The following CNOT4 variants were observed in gnomAD, a reference collection of about 807,000 sequenced individuals.
CNOT4 encodes CCR4-NOT transcription complex subunit 4.
CNOT4 carries 8 observed loss-of-function variants against 73.8 expected under a neutral mutation model. That is an observed-to-expected ratio of 0.11 (90% confidence interval 0.06 to 0.20). CNOT4 has a LOEUF of 0.20. CNOT4 is among the 10% of genes least tolerant of loss of function. The pLI, the probability that CNOT4 is intolerant of heterozygous loss-of-function variation, is 1.00. For synonymous variants in CNOT4, 293 were observed against 321.1 expected (o/e 0.91, Z 0.94); for missense variants, 564 against 883.4 (o/e 0.64, Z 4.58).
chr7:135,430,313 G>A lies in CNOT4; in HGVS notation c.174+7845C>T, dbSNP rs75665340. On this transcript the variant is annotated intron_variant, in intron 2 of 11. Transcript: ENST00000541284. ...AAGGGTAATACATTATAATCAAGTG[G>A]GGTTTATCTTTGAGAAGAAAAGGTG... Among the ~76,000 whole-genome samples the A allele has an allele frequency of 3.3e-3, 507 of 152,220 alleles. 1 individual carries two copies. Among genetic ancestry groups the A allele is most frequent in the Middle Eastern group, 0.014 (4 of 294 alleles).
intron 1 of CNOT4, among the ~76,000 whole-genome samples, chr7:135,488,139 C>A (rs1266851532): frequency 6.7e-6 from 1 of 148,916 alleles, no homozygotes; most frequent in Non-Finnish European, 1.5e-5. Context: ...GGATTTTTTT[C>A]AAAAAAAAAA....
At chr7:135,421,184 A>T (rs1798173564) in intron 3 of CNOT4, among the ~76,000 whole-genome samples, 1 of 152,148 alleles carries the variant, frequency 6.6e-6, no homozygotes, top group African/African-American at 2.4e-5. Context: ...ACTATTTTTT[A>T]AATTAATTTT....
At chr7:135,425,564 A>G (rs957006023) in intron 2 of CNOT4, among the ~76,000 whole-genome samples, 8 of 152,350 alleles carry the variant, frequency 5.3e-5, no homozygotes, top group African/African-American at 1.7e-4. Context: ...TTGTTGGAAC[A>G]TAACTGCTAC....
At chr7:135,500,472 T>A (rs3812300) in intron 1 of CNOT4, among the ~76,000 whole-genome samples, 15,433 of 151,942 alleles carry the variant, frequency 0.1, 860 homozygotes, top group Non-Finnish European at 0.12. Context: ...CAAAGAATTT[T>A]AAAAAAACTT....
chr7:135,425,572 T>C (rs1798445925), intron 2 of CNOT4, among the ~76,000 whole-genome samples: 1 of 152,202 alleles, frequency 6.6e-6, no homozygotes, highest in Non-Finnish European at 1.5e-5. Flanking sequence ...ACATAACTGC[T>C]ACATAATACA....
rs368493110 is a variant in CNOT4 at position 135,363,033 on chromosome 7, G to A, written c.1994C>T (p.Pro665Leu). 10 of 1,613,726 alleles carry A rather than the reference G, an allele frequency of 6.2e-6. No individual in the cohort carries two copies. The highest frequency in any genetic ancestry group is 1.6e-4 in the Middle Eastern group (1 of 6,084). ...GGGATTCCAACTGGCTCTGTGCAGC[G>A]GGATCTGTGTGCTGAAGGGGGCGCT... ...HHSAPFSTQI[P>L]LHRASWNPYP... Residue 665 changes from proline to leucine, a missense_variant, in exon 12 of 12, where the codon CCG becomes CTG. By Grantham distance (98) the Pro-to-Leu change is moderately conservative. Transcript: ENST00000541284. This position sits in a 1 kb window ranked among gnomAD's most constrained non-coding sequence, Gnocchi z 4.3.
At chr7:135,429,568 A>C (rs1355130710) in intron 2 of CNOT4, among the ~76,000 whole-genome samples, 1 of 152,172 alleles carries the variant, frequency 6.6e-6, no homozygotes, top group Admixed American at 6.5e-5. Context: ...CCCCTCATCA[A>C]ACATCCCGAG....
chr7:135,498,147 A>G (rs1189250524), intron 1 of CNOT4, among the ~76,000 whole-genome samples: 1 of 151,336 alleles, frequency 6.6e-6, no homozygotes, highest in African/African-American at 2.5e-5. Context: ...ATTCATATGT[A>G]GGAAGCCTGG....
chr7:135,453,530 C>T (rs1800304134), intron 1 of CNOT4, among the ~76,000 whole-genome samples: 1 of 151,592 alleles, frequency 6.6e-6, no homozygotes, highest in African/African-American at 2.4e-5. Context: ...ATATGGAAGT[C>T]CAACCTTTCA....
chr7:135,498,440 G>A (rs192146625), intron 1 of CNOT4, among the ~76,000 whole-genome samples: 1 of 152,256 alleles, frequency 6.6e-6, no homozygotes, highest in East Asian at 1.9e-4. Flanking sequence ...TGGTGACACA[G>A]GTCTAACTTG....
rs1328798254 is a variant in CNOT4, at chr7:135,414,440, GA to G, written c.460-9del. 1 of 1,218,712 alleles carries G rather than the reference GA, an allele frequency of 8.2e-7. No individual in the cohort carries two copies. 75.5% of individuals were successfully genotyped at this position (1,218,712 alleles called of 1,614,324 possible). A position where few individuals can be genotyped will look rare whatever the true frequency, so the allele number is the denominator to read the frequency against. On this transcript the variant is annotated splice_polypyrimidine_tract_variant and intron_variant, in intron 4 of 11. Transcript: ENST00000541284. ...AGCACTGGCACTTGGACCCTAAAGT[GA>G]AAACATCCCATTCCACTGTTATTAG...
chr7:135,377,295 T>C (rs1795574480), intron 10 of CNOT4, among the ~76,000 whole-genome samples: 1 of 152,220 alleles, frequency 6.6e-6, no homozygotes, highest in Non-Finnish European at 1.5e-5. Flanking sequence ...GAAACTCCTC[T>C]GTGTTCCACC....
intron 1 of CNOT4, among the ~76,000 whole-genome samples, chr7:135,484,487 T>C (rs1273484320): frequency 2.0e-5 from 3 of 152,118 alleles, no homozygotes; most frequent in Non-Finnish European, 4.4e-5. Context: ...AAATCAGTCT[T>C]ATTTTGTGCC....
chr7:135,414,301 A>C (rs1248090442), intron 5 of CNOT4, 30 bp downstream of exon 5: 2 of 829,428 alleles, frequency 2.4e-6, no homozygotes, highest in African/African-American at 1.7e-5. Context: ...TCCTTAAAAA[A>C]AAAAAAAAGA....
intron 1 of CNOT4, among the ~76,000 whole-genome samples, chr7:135,495,102 C>A (rs891290777): frequency 6.6e-6 from 1 of 152,130 alleles, no homozygotes; most frequent in African/African-American, 2.4e-5. Context: ...AGCAAAGTTT[C>A]CCAAGATCAC....
At chr7:135,372,106 A>C (rs767991281) in intron 10 of CNOT4, among the ~76,000 whole-genome samples, 1 of 152,204 alleles carries the variant, frequency 6.6e-6, no homozygotes. Flanking sequence ...GGAAGGTGTC[A>C]ACCACCCTAA....
intron 3 of CNOT4, among the ~76,000 whole-genome samples, chr7:135,419,388 C>T (rs1431152753): frequency 6.6e-6 from 1 of 151,980 alleles, no homozygotes; most frequent in Non-Finnish European, 1.5e-5. Flanking sequence ...TCGAGTGAAG[C>T]CAACTTCACT....
intron 1 of CNOT4, among the ~76,000 whole-genome samples, chr7:135,507,380 A>G (rs1804444827): frequency 2.0e-5 from 3 of 152,258 alleles, no homozygotes; most frequent in African/African-American, 7.2e-5. Flanking sequence ...CAGTGTTCAT[A>G]ACGTTAGATC....
In CNOT4 at chr7:135,364,194, G is replaced by A; in HGVS notation, c.1628-128C>T. The A allele has an allele frequency of 1.3e-6, 1 of 763,418 alleles. No homozygotes were observed. Among genetic ancestry groups the A allele is most frequent in the South Asian group, 1.9e-5 (1 of 53,916 alleles). The allele number at this position is 763,418 out of a possible 1,614,324, so 47.3% of individuals were successfully genotyped here. A position where few individuals can be genotyped will look rare whatever the true frequency, so the allele number is the denominator to read the frequency against. On this transcript the variant is annotated intron_variant, in intron 10 of 11. Coordinates refer to ENST00000541284, the MANE Select transcript of CNOT4 (RefSeq NM_001190850.2). This position sits in a 1 kb window ranked among gnomAD's most constrained non-coding sequence, Gnocchi z 4.3. The stretch of plus-strand genomic sequence containing the variant: ...TTTCTTTATTGAGCATTTAAAATGG[G>A]TTGTCCTAGCAAGATAAACTTGGTT...
Sources: allele counts gnomAD v4.1 joint callset (sites outside exome capture counted in the v4.1 genomes callset), GRCh38; gene constraint gnomAD v4.1.1; non-coding constraint Gnocchi (gnomAD v3.1); transcripts MANE v1.5; gene names NCBI Gene and HGNC (gene_info 2026-07-23, HGNC 2026-07-21).